Variants in ANO4 observed in about 807,000 individuals in gnomAD.
The protein encoded by ANO4 is anoctamin 4.
ANO4 carries 69 observed loss-of-function variants against 141.9 expected under a neutral mutation model. The ratio of observed to expected loss-of-function variants is 0.49; its 90% CI spans 0.40 to 0.59. The LOEUF (loss-of-function observed/expected upper bound fraction) is 0.59. Among genes scored for constraint, ANO4 ranks in the 20% least tolerant of loss-of-function variants. The probability of loss-of-function intolerance (pLI) is 0.00; values close to 1 mark genes in which losing one functional copy is unlikely to be tolerated. For missense variants in ANO4, 894 were observed against 1,162.2 expected (o/e 0.77, Z 3.36); for synonymous variants, 350 against 394.3 (o/e 0.89, Z 1.33).
At chr12:100,737,618 G>T (rs1593246500) in intron 2 of ANO4, among the ~76,000 whole-genome samples, 1 of 152,234 alleles carries the variant, frequency 6.6e-6, no homozygotes, top group African/African-American at 2.4e-5. Context: ...TTGGGAGGGA[G>T]GAGGGGAATG....
intron 3 of ANO4, among the ~76,000 whole-genome samples, chr12:100,745,095 G>T (rs1392249662): frequency 2.0e-5 from 3 of 152,068 alleles, no homozygotes; most frequent in Admixed American, 6.6e-5. Flanking sequence ...CAGGGTACAG[G>T]TACGTAAGGG....
At chr12:101,119,894 T>C (rs181889692) in intron 25 of ANO4, among the ~76,000 whole-genome samples, 2 of 152,268 alleles carry the variant, frequency 1.3e-5, no homozygotes, top group East Asian at 1.9e-4. Context: ...CAACAGGTAT[T>C]CGGCAAACAT....
rs193268584 is a variant in ANO4, at chr12:101,032,234, A to C, written c.842-4861A>C. 2.2e-3 allele frequency among the ~76,000 whole-genome samples: 338 copies of C among 152,342 alleles called. 2 individuals are homozygous for C. Among genetic ancestry groups the C allele is most frequent in the African/African-American group, 6.9e-3 (288 of 41,574 alleles). On this transcript the variant is annotated intron_variant, in intron 9 of 27. Coordinates refer to ENST00000392977, the MANE Select transcript of ANO4 (RefSeq NM_001286615.2). ...GCATGATAATGGTACCAAAACAGAC[A>C]CATAGACCAATGGAACAGAACAGAG...
At chr12:101,012,170 T>G (rs974887224) in intron 8 of ANO4, among the ~76,000 whole-genome samples, 4 of 152,092 alleles carry the variant, frequency 2.6e-5, no homozygotes, top group Non-Finnish European at 4.4e-5. Context: ...ATCACATGAT[T>G]TACTTATTTA....
rs1433365815 is a variant in ANO4 at position 101,120,522 on chromosome 12, A to T, written c.2573A>T (p.Tyr858Phe). ...FSGTPLKYCR[Y>F]RDYRDPPHSL... is the part of the protein sequence containing the mutation. ...AACATTTTTCTGTGTCTTTATAGAT[A>T]CCGGGACTACCGTGACCCGCCTCAT... Residue 858 changes from tyrosine (Y) to phenylalanine (F), a missense_variant and splice_region_variant, in exon 26 of 28, where the codon TAC becomes TTC. Tyr to Phe is a conservative substitution (Grantham distance 22). This residue lies in a region of ANO4 where 637 missense variants were observed against 909.2 expected (regional missense o/e 0.70). Transcript: ENST00000392977. 18 of 1,613,488 alleles carry T rather than the reference A, an allele frequency of 1.1e-5. No individual in the cohort carries two copies. The highest frequency in any genetic ancestry group is 1.5e-5 in the Non-Finnish European group (18 of 1,179,490).
At chr12:101,031,827 T>C (rs900379765) in intron 9 of ANO4, among the ~76,000 whole-genome samples, 1 of 151,994 alleles carries the variant, frequency 6.6e-6, no homozygotes, top group African/African-American at 2.4e-5. Flanking sequence ...TAATTCCCAC[T>C]CACAATCACT....
chr12:100,895,244 C>T (rs117151964), intron 1 of ANO4, among the ~76,000 whole-genome samples: 3,223 of 151,720 alleles, frequency 0.021, 46 homozygotes, highest in Non-Finnish European at 0.031. Context: ...AGTAATTTAC[C>T]TAAGAAATGA....
In ANO4 at chr12:101,125,793, G is replaced by C. The variant is rs570663755; in HGVS notation, c.2677-1086G>C. Among the ~76,000 whole-genome samples the C allele has an allele frequency of 2.0e-5, 3 of 152,274 alleles. No homozygotes were observed. The East Asian group carries it at 5.8e-4, about 29-fold the overall frequency. On this transcript the variant is annotated intron_variant, in intron 26 of 27. Transcript: ENST00000392977. ...TTTGATGTGCTGCTGGATTTGGTTT[G>C]CCAGTATTGTATTGAGGCTTTTTGC...
intron 11 of ANO4, among the ~76,000 whole-genome samples, chr12:101,041,403 G>A (rs1432358588): frequency 6.6e-6 from 1 of 152,156 alleles, no homozygotes; most frequent in Non-Finnish European, 1.5e-5. Context: ...AACAGTGGGG[G>A]GAAAAACAAA....
At chr12:101,035,632 A>G (rs1033520661) in intron 9 of ANO4, among the ~76,000 whole-genome samples, 1 of 152,210 alleles carries the variant, frequency 6.6e-6, no homozygotes, top group Non-Finnish European at 1.5e-5. Context: ...AAGTCATACC[A>G]CTAGTCCAAT....
At chr12:101,029,689 A>G (rs1224571170) in intron 9 of ANO4, among the ~76,000 whole-genome samples, 2 of 152,062 alleles carry the variant, frequency 1.3e-5, no homozygotes, top group African/African-American at 2.4e-5. Context: ...AGGTGGGTGG[A>G]TCACGAGGTC....
At chr12:100,873,321 A>G (rs947185616) in intron 1 of ANO4, among the ~76,000 whole-genome samples, 4 of 152,218 alleles carry the variant, frequency 2.6e-5, no homozygotes, top group Non-Finnish European at 4.4e-5. Context: ...TCAGAGGAAG[A>G]CAACTGGGGG....
In ANO4 at chr12:101,064,618, A is replaced by G. The variant is rs149851065; in HGVS notation, c.1313-14575A>G. On this transcript the variant is annotated intron_variant, in intron 14 of 27. Transcript: ENST00000392977. The stretch of plus-strand genomic sequence containing the variant: ...CACCATGGCACATGTATACCTGTGT[A>G]ACAAACCTGCACATTCTGCACATGT... Among the ~76,000 whole-genome samples, 937 of 151,690 alleles carry G rather than the reference A, an allele frequency of 6.2e-3. 10 individuals carry two copies. The highest frequency in any genetic ancestry group is 0.022 in the African/African-American group (890 of 41,322).
At chr12:100,897,034 G>A (rs564803297) in intron 1 of ANO4, among the ~76,000 whole-genome samples, 10 of 152,290 alleles carry the variant, frequency 6.6e-5, no homozygotes, top group African/African-American at 2.4e-4. Flanking sequence ...GGTAAATGGT[G>A]TGGCCAAGAT....
At chr12:100,809,085 G>C (rs970351353) in intron 1 of ANO4, among the ~76,000 whole-genome samples, 1 of 152,140 alleles carries the variant, frequency 6.6e-6, no homozygotes, top group African/African-American at 2.4e-5. Flanking sequence ...GAGATGGAAT[G>C]AAATGATGAA....
intron 3 of ANO4, among the ~76,000 whole-genome samples, chr12:100,787,327 T>C (rs2033905043): frequency 2.0e-5 from 3 of 152,126 alleles, no homozygotes; most frequent in Admixed American, 2.0e-4. Flanking sequence ...AGTCCAAGCA[T>C]TGGAAAAAGC....
chr12:100,979,356 T>A (rs73375068), intron 7 of ANO4, among the ~76,000 whole-genome samples: 3,364 of 152,196 alleles, frequency 0.022, 112 homozygotes, highest in African/African-American at 0.075. Flanking sequence ...CCAGTGTGTC[T>A]GATTTGGTAG....
intron 13 of ANO4, 129 bp from the exon 14 acceptor site, chr12:101,048,212 C>A (rs899189655): frequency 1.8e-6 from 2 of 1,113,868 alleles, no homozygotes; most frequent in South Asian, 1.7e-5. Flanking sequence ...AAGGAATATT[C>A]CCCCTACCCA....
intron 1 of ANO4, among the ~76,000 whole-genome samples, chr12:100,726,402 A>G (rs1018803782): frequency 6.6e-6 from 1 of 152,094 alleles, no homozygotes; most frequent in Non-Finnish European, 1.5e-5. Context: ...TCCTGATTAC[A>G]CTTGTAATTC....
Sources: gnomAD v4.1 joint callset for allele counts (sites outside exome capture counted in the v4.1 genomes callset) on GRCh38, gnomAD v4.1.1 for gene constraint, gnomAD v4.1.1 regional missense constraint, MANE v1.5 for transcripts, NCBI Gene and HGNC (gene_info 2026-07-23, HGNC 2026-07-21) for gene names.